Variants in NFATC1 observed in about 807,000 individuals in gnomAD.
NFATC1 encodes nuclear factor of activated T cells 1, also known as nuclear factor of activated T-cells, cytoplasmic 1.
NFATC1 carries 22 observed loss-of-function variants against 76.0 expected under a neutral mutation model. That is an observed-to-expected ratio of 0.29 (90% CI 0.21 to 0.41). The LOEUF (loss-of-function observed/expected upper bound fraction) is 0.41. Among genes scored for constraint, NFATC1 ranks in the 10% least tolerant of loss-of-function variants. The pLI, the probability that NFATC1 is intolerant of heterozygous loss-of-function variation, is 1.00. For synonymous variants in NFATC1, 704 were observed against 613.1 expected (o/e 1.15, Z -2.19); for missense variants, 1,357 against 1,337.7 (o/e 1.01, Z -0.23).
At position 79,451,631 on chromosome 18, in the gene NFATC1, G is replaced by A. The variant is rs758212038; in HGVS notation, c.1763-45G>A. The A allele has an allele frequency of 2.2e-5, 33 of 1,474,242 alleles. No homozygotes were observed. In the Middle Eastern group the frequency reaches 6.4e-4, roughly 29 times the overall value. 91.3% of individuals were successfully genotyped at this position (1,474,242 alleles called of 1,614,324 possible). On this transcript the variant is annotated intron_variant, in intron 5 of 9. Coordinates refer to ENST00000427363, the MANE Select transcript of NFATC1 (RefSeq NM_001278669.2). ...GGGTGCCACACGTGTGCCCCAGGCC[G>A]CCCACTCAGGACAGGCCCTCACTGC...
intron 2 of NFATC1, among the ~76,000 whole-genome samples, chr18:79,433,122 C>T (rs916268845): frequency 1.4e-4 from 21 of 152,300 alleles, no homozygotes; most frequent in African/African-American, 3.1e-4. Flanking sequence ...GGCGGCGCTG[C>T]GCACATCACA....
intron 8 of NFATC1, among the ~76,000 whole-genome samples, chr18:79,481,426 G>A (rs2089267427): frequency 6.6e-6 from 1 of 152,260 alleles, no homozygotes; most frequent in South Asian, 2.1e-4. Flanking sequence ...ATTTTCTAAT[G>A]TAAAACGAGG....
At chr18:79,450,734 GC>G (rs2087434738) in intron 4 of NFATC1, among the ~76,000 whole-genome samples, 1 of 152,190 alleles carries the variant, frequency 6.6e-6, no homozygotes, top group South Asian at 2.1e-4. Context: ...GCCTCTGCTT[GC>G]CCCCTCGCCT....
chr18:79,451,877 C>T (rs1006310570), intron 6 of NFATC1, 61 bp downstream of exon 6: 1 of 1,553,474 alleles, frequency 6.4e-7, no homozygotes, highest in Non-Finnish European at 8.7e-7. Context: ...GAACCGGTTC[C>T]CAGTCGGTGG....
At chr18:79,402,856 C>T (rs2085313863) in intron 1 of NFATC1, among the ~76,000 whole-genome samples, 1 of 152,196 alleles carries the variant, frequency 6.6e-6, no homozygotes, top group African/African-American at 2.4e-5. Context: ...ATTGACTCTC[C>T]AGCTTTTGAC....
chr18:79,411,494 T>G lies in NFATC1; in HGVS notation c.1219T>G (p.Tyr407Asp). ...AKPKPLSPTS[Y>D]MSPTLPALDW... Reference sequence around the variant, plus strand: ...GCCCAAGCCCCTGTCCCCTACGTCCTACATGAGGTGAGCCGGCAGCGCGGG... The same window carrying G: ...GCCCAAGCCCCTGTCCCCTACGTCCGACATGAGGTGAGCCGGCAGCGCGGG... The change falls in exon 2 of 10, where the codon TAC becomes GAC. Residue 407 changes from tyrosine (Y) to aspartate (D), a missense_variant. This residue lies in a region of NFATC1 where 691 missense variants were observed against 613.1 expected (regional missense o/e 1.13). Coordinates refer to ENST00000427363, the MANE Select transcript of NFATC1 (RefSeq NM_001278669.2). 1 of 1,486,226 alleles carries G rather than the reference T, an allele frequency of 6.7e-7. No homozygotes were observed. The highest frequency in any genetic ancestry group is 8.9e-7 in the Non-Finnish European group (1 of 1,119,470). 92.1% of individuals were successfully genotyped at this position (1,486,226 alleles called of 1,614,324 possible). A position where few individuals can be genotyped will look rare whatever the true frequency, so the allele number is the denominator to read the frequency against.
intron 2 of NFATC1, among the ~76,000 whole-genome samples, chr18:79,416,823 C>T (rs1241823587): frequency 6.6e-6 from 1 of 152,188 alleles, no homozygotes; most frequent in Non-Finnish European, 1.5e-5. Context: ...GCTGGGGAGT[C>T]CCCCGCACAA....
rs753575733 is a variant in NFATC1 at position 79,410,976 on chromosome 18, C to T, written c.701C>T (p.Pro234Leu). Residue 234 changes from proline (P) to leucine (L), a missense_variant, in exon 2 of 10, where the codon CCG (proline) becomes CTG (leucine). By Grantham distance (98) the Pro-to-Leu change is moderately conservative. Around this residue, in one of 3 missense-constraint regions of NFATC1, gnomAD observed 691 missense variants for 613.1 expected, o/e 1.13. Transcript: ENST00000427363. This position sits in a 1 kb window ranked among gnomAD's most constrained non-coding sequence, Gnocchi z 6.7. ...GLGACTLLGSPRHSPSTSPRA... is the reference protein window; with the variant it reads ...GLGACTLLGSLRHSPSTSPRA... ...GGGGCCTGCACACTGCTGGGTTCCC[C>T]GCGGCACTCCCCCTCCACCTCGCCC... 10 of 1,603,626 alleles carry T rather than the reference C, an allele frequency of 6.2e-6. No individual in the cohort carries two copies. The highest frequency in any genetic ancestry group is 3.4e-5 in the Admixed American group (2 of 59,568).
chr18:79,470,725 CCT>C (rs1417991280), intron 8 of NFATC1: 3 of 152,330 alleles, frequency 2.0e-5, no homozygotes, highest in Admixed American at 6.5e-5. Flanking sequence ...GTCCGCAGCC[CCT>C]GTCCCGGCCC....
At chr18:79,488,297 GTT>G (rs1491356210) in intron 9 of NFATC1, among the ~76,000 whole-genome samples, 5 of 92,864 alleles carry the variant, frequency 5.4e-5, no homozygotes, top group Admixed American at 1.1e-4. Context: ...CGCAGCCCTG[GTT>G]GTGTGTGTGT....
At chr18:79,440,860 CTTT>C (rs1374343165) in intron 3 of NFATC1, among the ~76,000 whole-genome samples, 3 of 152,080 alleles carry the variant, frequency 2.0e-5, no homozygotes, top group African/African-American at 7.2e-5. Flanking sequence ...TGCTTGCTTT[CTTT>C]GTCTGTGACG....
At chr18:79,455,662 C>T (rs2144812746) in intron 6 of NFATC1, among the ~76,000 whole-genome samples, 1 of 152,230 alleles carries the variant, frequency 6.6e-6, no homozygotes, top group Non-Finnish European at 1.5e-5. Context: ...CAGCCCAGCA[C>T]ATCCAGAGCC....
intron 9 of NFATC1, among the ~76,000 whole-genome samples, chr18:79,507,238 C>A (rs2090137642): frequency 6.6e-6 from 1 of 152,212 alleles, no homozygotes; most frequent in African/African-American, 2.4e-5. Flanking sequence ...GGAAGTAGGG[C>A]CTGGAAACCG....
intron 1 of NFATC1, 78 bp downstream of exon 1, chr18:79,396,429 T>G: frequency 1.0e-6 from 1 of 965,762 alleles, no homozygotes; most frequent in Non-Finnish European, 1.3e-6. Flanking sequence ...CCCGCCCCCG[T>G]CGCCCGCACG....
intron 6 of NFATC1, among the ~76,000 whole-genome samples, chr18:79,460,254 G>A (rs1188125949): frequency 6.6e-6 from 1 of 152,248 alleles, no homozygotes; most frequent in Non-Finnish European, 1.5e-5. Context: ...TTGAGGGTTT[G>A]TAACAGACAC....
chr18:79,433,948 G>A (rs896603013), intron 3 of NFATC1, among the ~76,000 whole-genome samples: 7 of 152,194 alleles, frequency 4.6e-5, no homozygotes, highest in African/African-American at 7.2e-5. Flanking sequence ...GCCCTCTCTC[G>A]TTGTTTTCAG....
At position 79,419,217 on chromosome 18, in the gene NFATC1, C is replaced by T. The variant is rs183750152; in HGVS notation, c.1226+7716C>T. Reference sequence around the variant, plus strand: ...TGTTTAAGTTTTGTGGAGACAGAGTCTTGCCGTGTTGTCCAGGGCTGATCT... The same window carrying T: ...TGTTTAAGTTTTGTGGAGACAGAGTTTTGCCGTGTTGTCCAGGGCTGATCT... On this transcript the variant is annotated intron_variant, in intron 2 of 9. Transcript: ENST00000427363. Among the ~76,000 whole-genome samples, 4 of 152,268 alleles carry T rather than the reference C, an allele frequency of 2.6e-5. No individual in the cohort carries two copies. In the East Asian group the frequency reaches 7.7e-4, roughly 29 times the overall value.
chr18:79,504,150 A>G (rs968369113), intron 9 of NFATC1, among the ~76,000 whole-genome samples: 1 of 151,400 alleles, frequency 6.6e-6, no homozygotes, highest in Non-Finnish European at 1.5e-5. Flanking sequence ...AGCGGTTTTC[A>G]CTTCTGTCTG....
chr18:79,507,812 C>T (rs1004775183), intron 9 of NFATC1, among the ~76,000 whole-genome samples: 1 of 152,248 alleles, frequency 6.6e-6, no homozygotes, highest in Admixed American at 6.5e-5. Context: ...AGTGCTTTTA[C>T]GTGAGAAGTT....
Sources: allele counts gnomAD v4.1 joint callset (sites outside exome capture counted in the v4.1 genomes callset), GRCh38; gene constraint gnomAD v4.1.1; regional missense constraint gnomAD v4.1.1; non-coding constraint Gnocchi (gnomAD v3.1); transcripts MANE v1.5; gene names NCBI Gene and HGNC (gene_info 2026-07-23, HGNC 2026-07-21).